Variants in YEATS2 observed in about 807,000 individuals in gnomAD.
The protein encoded by YEATS2 is YEATS domain-containing protein 2.
Under a neutral mutation model 163.2 loss-of-function variants are expected in YEATS2, and 77 were observed. That is an observed-to-expected ratio of 0.47 (90% CI 0.39 to 0.57). The LOEUF is 0.57. Ranked by LOEUF, YEATS2 falls within the 20% of genes least tolerant of loss-of-function variation. The pLI is 0.00. For missense variants in YEATS2, 1,549 were observed against 1,729.8 expected (o/e 0.90, Z 1.85); for synonymous variants, 631 against 645.1 (o/e 0.98, Z 0.33).
intron 11 of YEATS2, among the ~76,000 whole-genome samples, chr3:183,755,371 C>T (rs564502351): frequency 4.6e-5 from 7 of 152,120 alleles, no homozygotes; most frequent in African/African-American, 7.2e-5. Flanking sequence ...CCTACCTTGG[C>T]CTCCCAAAGT....
intron 1 of YEATS2, among the ~76,000 whole-genome samples, chr3:183,701,394 A>G (rs976065765): frequency 7.8e-6 from 1 of 128,776 alleles, no homozygotes; most frequent in Non-Finnish European, 1.7e-5. Flanking sequence ...CGGTCAATAT[A>G]TATATTTTTT....
chr3:183,716,488 G>C (rs1715893522), intron 2 of YEATS2, among the ~76,000 whole-genome samples: 1 of 152,062 alleles, frequency 6.6e-6, no homozygotes. Flanking sequence ...AAGGAAAATT[G>C]TTAAATCCAA....
rs774989436 is a variant in YEATS2, at chr3:183,709,675, A to ATT, written c.-19-5450_-19-5449dup. Reference sequence around the variant, plus strand: ...TAATGAGGCTGTTTTAATGAGATAAATTTTTTTTTTTTTTTTTTTTGAGAC... The same window carrying ATT: ...TAATGAGGCTGTTTTAATGAGATAAATTTTTTTTTTTTTTTTTTTTTTGAGAC... On this transcript the variant is annotated intron_variant, in intron 1 of 30. Coordinates refer to ENST00000305135, the MANE Select transcript of YEATS2 (RefSeq NM_018023.5). Among the ~76,000 whole-genome samples the ATT allele has an allele frequency of 0.01, 1,295 of 125,130 alleles. 51 individuals are homozygous for ATT. In the East Asian group the frequency reaches 0.12, roughly 11 times the overall value. 82.1% of individuals were successfully genotyped at this position (125,130 alleles called of 152,430 possible).
In YEATS2 at chr3:183,697,922, CT is replaced by C. The variant is rs1364756213; in HGVS notation, c.-90del. 1.3e-5 allele frequency: 2 copies of C among 151,510 alleles called. No homozygotes were observed. The highest frequency in any genetic ancestry group is 4.8e-5 in the African/African-American group (2 of 41,384). 9.4% of individuals were successfully genotyped at this position (151,510 alleles called of 1,614,324 possible). A position where few individuals can be genotyped will look rare whatever the true frequency, so the allele number is the denominator to read the frequency against. ...GGGCAGCTCCGCGGGGCTTCGCCCG[CT>C]CTCTCACCTCGCCGTGCTCTCTCGC... On this transcript the variant is annotated 5_prime_UTR_variant, in exon 1 of 31. Transcript: ENST00000305135.
chr3:183,772,565 TA>T lies in YEATS2; in HGVS notation c.2206+6del. 6.2e-7 allele frequency: 1 copy of T among 1,613,432 alleles called. No individual in the cohort carries two copies. The highest frequency in any genetic ancestry group is 8.5e-7 in the Non-Finnish European group (1 of 1,179,796). ...AGAAGAGTGGATCCCAGGGTTCAGG[TA>T]AAACGGATCATCACTGGGAGCCCTT... On this transcript the variant is annotated splice_donor_region_variant and intron_variant, in intron 16 of 30. Transcript: ENST00000305135.
At position 183,808,989 on chromosome 3, in the gene YEATS2, C is replaced by G; in HGVS notation, c.4087-108C>G. 5.6e-6 allele frequency: 6 copies of G among 1,068,480 alleles called. No individual in the cohort carries two copies. In the South Asian group the frequency reaches 8.1e-5, roughly 14 times the overall value. The allele number at this position is 1,068,480 out of a possible 1,614,324, so 66.2% of individuals were successfully genotyped here. On this transcript the variant is annotated intron_variant, in intron 29 of 30. Transcript: ENST00000305135. Reference sequence around the variant, plus strand: ...TTTTTTCTTAAGGACTTTTTAATCCCTAGTTGCAGTGGTTTCAAACATTTG... The same window carrying G: ...TTTTTTCTTAAGGACTTTTTAATCCGTAGTTGCAGTGGTTTCAAACATTTG...
chr3:183,760,569 G>T (rs748277608), intron 13 of YEATS2, among the ~76,000 whole-genome samples: 3 of 152,088 alleles, frequency 2.0e-5, no homozygotes, highest in African/African-American at 7.2e-5. Context: ...TAATCTGCCC[G>T]CCTCAGCCTC....
chr3:183,745,011 C>T (rs1719375943), intron 8 of YEATS2, among the ~76,000 whole-genome samples: 2 of 152,068 alleles, frequency 1.3e-5, no homozygotes, highest in African/African-American at 4.8e-5. Flanking sequence ...CCACCATGCC[C>T]AGCTAATTTT....
Position 183,697,900 on chromosome 3 carries a change from C to A in YEATS2, c.-113C>A, listed in dbSNP as rs1344887152. On this transcript the variant is annotated 5_prime_UTR_variant, in exon 1 of 31. Coordinates refer to ENST00000305135, the MANE Select transcript of YEATS2 (RefSeq NM_018023.5). ...GGGTCGCTGGGGCCTTGTGGCGGGG[C>A]AGCTCCGCGGGGCTTCGCCCGCTCT... The A allele has an allele frequency of 6.6e-6, 1 of 150,376 alleles. No homozygotes were observed. Among genetic ancestry groups the A allele is most frequent in the Non-Finnish European group, 1.5e-5 (1 of 66,808 alleles). The allele number at this position is 150,376 out of a possible 1,614,324, so 9.3% of individuals were successfully genotyped here. A position where few individuals can be genotyped will look rare whatever the true frequency, so the allele number is the denominator to read the frequency against.
chr3:183,752,253 G>A lies in YEATS2; in HGVS notation c.1150G>A (p.Gly384Arg). 6.2e-7 allele frequency: 1 copy of A among 1,614,104 alleles called. No homozygotes were observed. The change falls in exon 10 of 31, where the codon GGA becomes AGA. Residue 384 changes from glycine to arginine, a missense_variant and splice_region_variant. By Grantham distance (125) the Gly-to-Arg change is moderately radical. Coordinates refer to ENST00000305135, the MANE Select transcript of YEATS2 (RefSeq NM_018023.5). ...EPVPDTSVEK[G>R]FPASTEAERH... ...AGTACCCGATACCTCTGTGGAGAAA[G>A]GTAATACAGCAGTTTTCCTTGCATA... is the stretch of plus-strand genomic sequence containing the variant.
chr3:183,797,111 A>G (rs978947926), intron 21 of YEATS2, among the ~76,000 whole-genome samples: 10 of 152,034 alleles, frequency 6.6e-5, no homozygotes, highest in African/African-American at 2.4e-4. Flanking sequence ...TCTACTAAAA[A>G]TACAAAAATT....
rs1469706870 is a variant in YEATS2, at chr3:183,758,985, A to G, written c.1656+20A>G. ...GTCAAGGTAACATTCTTACTGCGTT[A>G]TTACACTTTGCTAGCTTCTTTTTCT... is the stretch of plus-strand genomic sequence containing the variant. On this transcript the variant is annotated intron_variant, in intron 13 of 30. Transcript: ENST00000305135. The G allele has an allele frequency of 4.2e-6, 6 of 1,420,534 alleles. No homozygotes were observed. Among genetic ancestry groups the G allele is most frequent in the Non-Finnish European group, 5.8e-6 (6 of 1,042,262 alleles). 88.0% of individuals were successfully genotyped at this position (1,420,534 alleles called of 1,614,324 possible). A position where few individuals can be genotyped will look rare whatever the true frequency, so the allele number is the denominator to read the frequency against.
intron 11 of YEATS2, among the ~76,000 whole-genome samples, chr3:183,755,875 G>T (rs1426415334): frequency 2.0e-5 from 3 of 150,746 alleles, no homozygotes; most frequent in Non-Finnish European, 4.4e-5. Context: ...GCCTCTCGAG[G>T]AGCTGGGATT....
intron 15 of YEATS2, among the ~76,000 whole-genome samples, chr3:183,766,303 C>T (rs1391889415): frequency 6.6e-6 from 1 of 152,182 alleles, no homozygotes; most frequent in Non-Finnish European, 1.5e-5. Context: ...AGCAAGTGCT[C>T]AGTAAATAGT....
At chr3:183,730,052 G>GTTTTTTTTTTTGTTTTTTTTTTT (rs1717580678) in intron 7 of YEATS2, among the ~76,000 whole-genome samples, 1 of 41,698 alleles carries the variant, frequency 2.4e-5, no homozygotes, top group Non-Finnish European at 4.4e-5. Flanking sequence ...TTTTTTGTTT[G>GTTTTTTTTTTTGTTTTTTTTTTT]TTTTTTTTTT....
intron 19 of YEATS2, among the ~76,000 whole-genome samples, chr3:183,781,427 A>G (rs1267907991): frequency 1.2e-4 from 19 of 152,190 alleles, no homozygotes; most frequent in Admixed American, 1.2e-3. Flanking sequence ...TCCTTGACAG[A>G]TTGGATGATG....
intron 16 of YEATS2, 93 bp from the exon 17 acceptor site, chr3:183,773,539 TC>T: frequency 8.7e-6 from 11 of 1,263,158 alleles, no homozygotes; most frequent in Middle Eastern, 2.1e-4. Flanking sequence ...TTGTTAGTGT[TC>T]TAAAATAAGA....
chr3:183,752,397 A>T (rs1029993688), intron 10 of YEATS2, 144 bp downstream of exon 10: 7 of 1,038,864 alleles, frequency 6.7e-6, no homozygotes, highest in Non-Finnish European at 9.7e-6. Flanking sequence ...TATGAAAGCC[A>T]AATTTCCACT....
chr3:183,804,328 G>A, intron 27 of YEATS2, 140 bp downstream of exon 27: 1 of 979,618 alleles, frequency 1.0e-6, no homozygotes. Flanking sequence ...GTGGGACCGT[G>A]CAGTCCCCAT....
Sources: allele counts gnomAD v4.1 joint callset (sites outside exome capture counted in the v4.1 genomes callset), GRCh38; gene constraint gnomAD v4.1.1; transcripts MANE v1.5; gene names NCBI Gene and HGNC (gene_info 2026-07-23, HGNC 2026-07-21).